Variants in RAB11FIP3 observed in about 807,000 individuals in gnomAD.
RAB11FIP3 encodes rab11 family-interacting protein 3.
Under a neutral mutation model 77.8 loss-of-function variants are expected in RAB11FIP3, and 17 were observed. That is an observed-to-expected ratio of 0.22 (90% confidence interval 0.15 to 0.33). RAB11FIP3 has a LOEUF of 0.33. Among genes scored for constraint, RAB11FIP3 ranks in the 10% least tolerant of loss-of-function variants. The pLI, the probability that RAB11FIP3 is intolerant of heterozygous loss-of-function variation, is 1.00. For synonymous variants in RAB11FIP3, 437 were observed against 448.2 expected (o/e 0.98, Z 0.31); for missense variants, 1,005 against 1,011.2 (o/e 0.99, Z 0.08).
intron 6 of RAB11FIP3, among the ~76,000 whole-genome samples, chr16:500,125 C>G (rs2031409745): frequency 6.6e-6 from 1 of 152,216 alleles, no homozygotes; most frequent in Non-Finnish European, 1.5e-5. Flanking sequence ...GTGGCTTTCT[C>G]CAGTCAGCTG....
chr16:519,851 A>G lies in RAB11FIP3; in HGVS notation c.1820A>G (p.Glu607Gly). 6.3e-7 allele frequency: 1 copy of G among 1,599,858 alleles called. No homozygotes were observed. The highest frequency in any genetic ancestry group is 8.5e-7 in the Non-Finnish European group (1 of 1,173,460). Residue 607 changes from glutamate (E) to glycine (G), a missense_variant, in exon 11 of 14, where the codon GAG (glutamate) becomes GGG (glycine). Glu to Gly is a moderately conservative substitution (Grantham distance 98). Coordinates refer to ENST00000262305, the MANE Select transcript of RAB11FIP3 (RefSeq NM_014700.4). ...AGAATGGGGGACAGGCTGAGTCACGAGAGGCACCAGTTCCAGAGGGACAAG... is the reference window on the plus strand; with the variant it reads ...AGAATGGGGGACAGGCTGAGTCACGGGAGGCACCAGTTCCAGAGGGACAAG... ...KRRMGDRLSH[E>G]RHQFQRDKEA...
chr16:510,324 A>G, intron 8 of RAB11FIP3: 1 of 276,146 alleles, frequency 3.6e-6, no homozygotes, highest in Non-Finnish European at 7.0e-6. Context: ...ATGAACACAG[A>G]GTGCACCAGG....
At position 475,372 on chromosome 16, in the gene RAB11FIP3, G is replaced by T. The variant is rs549779881; in HGVS notation, c.903+3983G>T. 4.6e-5 allele frequency among the ~76,000 whole-genome samples: 7 copies of T among 152,240 alleles called. No individual in the cohort carries two copies. The South Asian group carries it at 1.0e-3, about 23-fold the overall frequency. On this transcript the variant is annotated intron_variant, in intron 3 of 13. Coordinates refer to ENST00000262305, the MANE Select transcript of RAB11FIP3 (RefSeq NM_014700.4). Reference sequence around the variant, plus strand: ...AATTTGTAAAAATGTTAAAAAGTTGGTAGCATAGACTTGATGGCTTCTGGG... The same window carrying T: ...AATTTGTAAAAATGTTAAAAAGTTGTTAGCATAGACTTGATGGCTTCTGGG...
chr16:513,861 G>A (rs1043428989), intron 9 of RAB11FIP3, among the ~76,000 whole-genome samples: 2 of 152,232 alleles, frequency 1.3e-5, no homozygotes, highest in Non-Finnish European at 2.9e-5. Flanking sequence ...GCAAGGTCAG[G>A]GCAGCCAGGA....
Position 488,976 on chromosome 16 carries a change from G to A in RAB11FIP3, c.1241G>A (p.Ser414Asn), listed in dbSNP as rs960523827. The change falls in exon 5 of 14, where the codon AGT becomes AAT. Residue 414 changes from serine (S) to asparagine (N), a missense_variant. By Grantham distance (46) the Ser-to-Asn change is conservative. Coordinates refer to ENST00000262305, the MANE Select transcript of RAB11FIP3 (RefSeq NM_014700.4). The stretch of plus-strand genomic sequence containing the variant: ...CTATGCAACGGGCAGCTGGGCTGCA[G>A]TGACCCCGCTTTCCTCACGCCCAGG... ...ETLCNGQLGC[S>N]DPAFLTPSPT... 1 of 1,613,848 alleles carries A rather than the reference G, an allele frequency of 6.2e-7. No individual in the cohort carries two copies. Among genetic ancestry groups the A allele is most frequent in the Non-Finnish European group, 8.5e-7 (1 of 1,179,976 alleles).
chr16:455,500 C>T (rs962702495), intron 1 of RAB11FIP3, among the ~76,000 whole-genome samples: 5 of 151,922 alleles, frequency 3.3e-5, no homozygotes, highest in African/African-American at 7.3e-5. Context: ...AATTGAGAAC[C>T]GCGCACACTC....
At chr16:430,037 G>A (rs2055012006) in intron 1 of RAB11FIP3, among the ~76,000 whole-genome samples, 1 of 152,112 alleles carries the variant, frequency 6.6e-6, no homozygotes, top group African/African-American at 2.4e-5. Context: ...ATAACACAGT[G>A]TTGTGTTAGC....
At position 520,497 on chromosome 16, in the gene RAB11FIP3, C is replaced by G; in HGVS notation, c.2055C>G (p.Asn685Lys). 2 of 1,613,678 alleles carry G rather than the reference C, an allele frequency of 1.2e-6. No homozygotes were observed. The highest frequency in any genetic ancestry group is 1.7e-6 in the Non-Finnish European group (2 of 1,180,032). Residue 685 changes from asparagine (N) to lysine (K), a missense_variant, in exon 13 of 14, where the codon AAC (asparagine) becomes AAG (lysine). Coordinates refer to ENST00000262305, the MANE Select transcript of RAB11FIP3 (RefSeq NM_014700.4). ...RNLKEQNEELNGQIITLSIQG... is the reference protein window; with the variant it reads ...RNLKEQNEELKGQIITLSIQG... The stretch of plus-strand genomic sequence containing the variant: ...TGAAGGAGCAGAACGAGGAGCTGAA[C>G]GGGCAGATCATTACCCTCAGCATCC...
At chr16:441,228 C>T (rs778810919) in intron 1 of RAB11FIP3, among the ~76,000 whole-genome samples, 53 of 152,242 alleles carry the variant, frequency 3.5e-4, no homozygotes, top group Non-Finnish European at 4.4e-5. Context: ...AGGCCACCGT[C>T]GCCATCGCGC....
At chr16:453,890 C>T (rs376001013) in intron 1 of RAB11FIP3, among the ~76,000 whole-genome samples, 4 of 152,084 alleles carry the variant, frequency 2.6e-5, no homozygotes, top group Admixed American at 2.0e-4. Flanking sequence ...CCACCACACC[C>T]GGCCAAGGAA....
chr16:458,819 C>T (rs1009316470), intron 1 of RAB11FIP3, among the ~76,000 whole-genome samples: 15 of 152,214 alleles, frequency 9.9e-5, no homozygotes, highest in Non-Finnish European at 7.3e-5. Flanking sequence ...CCCTGGCCCA[C>T]ACTTCTTTCT....
rs2055871280 is a variant in RAB11FIP3, at chr16:474,856, G to C, written c.903+3467G>C. 9 of 1,448,804 alleles carry C rather than the reference G, an allele frequency of 6.2e-6. No homozygotes were observed. In the East Asian group the frequency reaches 1.8e-4, roughly 29 times the overall value. 89.7% of individuals were successfully genotyped at this position (1,448,804 alleles called of 1,614,324 possible). Reference sequence around the variant, plus strand: ...CAACACCAGCAGGAGGTTTATTAGAGCGTGTCTGGGAGCAGGTTAAACTTT... The same window carrying C: ...CAACACCAGCAGGAGGTTTATTAGACCGTGTCTGGGAGCAGGTTAAACTTT... On this transcript the variant is annotated intron_variant, in intron 3 of 13. Transcript: ENST00000262305.
intron 3 of RAB11FIP3, among the ~76,000 whole-genome samples, chr16:478,195 CTT>C (rs570923279): frequency 1.8e-4 from 25 of 140,056 alleles, no homozygotes; most frequent in African/African-American, 1.6e-4. Flanking sequence ...CTGTCTACTT[CTT>C]TTTTTTTTTT....
intron 1 of RAB11FIP3, among the ~76,000 whole-genome samples, chr16:455,579 C>T (rs1210992980): frequency 6.6e-6 from 1 of 151,986 alleles, no homozygotes; most frequent in Non-Finnish European, 1.5e-5. Flanking sequence ...GCAGGTGCTC[C>T]CTGTCACTGT....
chr16:497,132 C>A, intron 6 of RAB11FIP3: 1 of 620,588 alleles, frequency 1.6e-6, no homozygotes, highest in Non-Finnish European at 2.5e-6. Context: ...CTGGAAGGGG[C>A]CGCCATCCCC....
At chr16:492,370 A>ACCCGAGGCCGCCCAGGGCCCTTCCCGGGG (rs2030411501) in intron 5 of RAB11FIP3, among the ~76,000 whole-genome samples, 2 of 131,802 alleles carry the variant, frequency 1.5e-5, no homozygotes, top group Non-Finnish European at 1.7e-5. Context: ...TCTTCCCGGG[A>ACCCGAGGCCGCCCAGGGCCCTTCCCGGGG]GACCCGAGGC....
rs900221259 is a variant in RAB11FIP3 at position 476,104 on chromosome 16, C to T, written c.903+4715C>T. ...CTCCTGGCCTCAAGTGATTCACCCA[C>T]CTTGGCCTCCCAAAGTGCTGGGATT... On this transcript the variant is annotated intron_variant, in intron 3 of 13. Coordinates refer to ENST00000262305, the MANE Select transcript of RAB11FIP3 (RefSeq NM_014700.4). 2.0e-5 allele frequency among the ~76,000 whole-genome samples: 3 copies of T among 152,322 alleles called. No homozygotes were observed. The East Asian group carries it at 5.8e-4, about 29-fold the overall frequency.
chr16:520,262 C>T lies in RAB11FIP3; in HGVS notation c.2001C>T (p.Val667=). The T allele has an allele frequency of 1.3e-6, 2 of 1,546,894 alleles. No individual in the cohort carries two copies. ...GGGAGAGCGAGCTGGAGCAGGAGGT[C>T]CGCAGGCTGAAGCAGGTGGGCAGGC... The part of the protein sequence containing the change: ...RARESELEQE[V]RRLKQDNRNL... The change falls in exon 12 of 14, where the codon GTC becomes GTT. Residue 667 remains valine (V), a synonymous_variant. Transcript: ENST00000262305.
chr16:470,675 C>T (rs963251320), intron 2 of RAB11FIP3, among the ~76,000 whole-genome samples: 39 of 152,020 alleles, frequency 2.6e-4, no homozygotes, highest in Non-Finnish European at 4.3e-4. Context: ...GCAGGTGCTG[C>T]GGGATTGGTT....
Sources: allele counts gnomAD v4.1 joint callset (sites outside exome capture counted in the v4.1 genomes callset), GRCh38; gene constraint gnomAD v4.1.1; transcripts MANE v1.5; gene names NCBI Gene and HGNC (gene_info 2026-07-23, HGNC 2026-07-21).